GIPC2: variants seen among roughly 807,000 people sequenced by gnomAD.
GIPC2 encodes PDZ domain-containing protein GIPC2.
A neutral mutation model predicts 30.6 loss-of-function variants in GIPC2; 30 were observed. The observed-to-expected ratio is 0.98, with a 90% CI of 0.73 to 1.33. The LOEUF (loss-of-function observed/expected upper bound fraction) is 1.33. Ranked by LOEUF, GIPC2 falls within the 40% of genes most tolerant of loss-of-function variation. The probability of loss-of-function intolerance (pLI) is 0.00; values close to 1 mark genes in which losing one functional copy is unlikely to be tolerated. For missense variants in GIPC2, 414 were observed against 390.3 expected (o/e 1.06, Z -0.51); for synonymous variants, 167 against 150.0 (o/e 1.11, Z -0.83).
rs1663040664 is a variant in GIPC2, at chr1:78,138,161, A to G, written c.*2418A>G. The G allele has an allele frequency of 1.3e-5, 2 of 152,206 alleles. No homozygotes were observed. Among genetic ancestry groups the G allele is most frequent in the African/African-American group, 4.8e-5 (2 of 41,446 alleles). 9.4% of individuals were successfully genotyped at this position (152,206 alleles called of 1,614,324 possible). On this transcript the variant is annotated 3_prime_UTR_variant, in exon 6 of 6. Transcript: ENST00000370759. Reference sequence around the variant, plus strand: ...TGATAATTGTATGTTGGGCTCGATGAGGCCTTGAACATAGCTGAGTCCTAA... The same window carrying G: ...TGATAATTGTATGTTGGGCTCGATGGGGCCTTGAACATAGCTGAGTCCTAA...
intron 3 of GIPC2, chr1:78,112,478 A>G (rs1662483698): frequency 7.7e-6 from 4 of 518,854 alleles, no homozygotes; most frequent in South Asian, 5.6e-5. Flanking sequence ...ATCTGTGCCC[A>G]CTTCATGTTG....
chr1:78,131,240 T>TG (rs1363114812), intron 5 of GIPC2, among the ~76,000 whole-genome samples: 2 of 152,172 alleles, frequency 1.3e-5, no homozygotes, highest in African/African-American at 4.8e-5. Context: ...AGAGTCTTGC[T>TG]CTGTCGCCCA....
chr1:78,091,590 T>C (rs1453176151), intron 2 of GIPC2: 1 of 762,612 alleles, frequency 1.3e-6, no homozygotes, highest in African/African-American at 1.7e-5. Context: ...TCCTTCGCGA[T>C]CTTCTTCGGG....
chr1:78,049,629 G>C (rs1661158315), intron 1 of GIPC2, among the ~76,000 whole-genome samples: 1 of 152,200 alleles, frequency 6.6e-6, no homozygotes, highest in African/African-American at 2.4e-5. Context: ...GAAAAGACTT[G>C]ATGTCAAGTG....
intron 1 of GIPC2, among the ~76,000 whole-genome samples, chr1:78,078,736 A>T (rs1661766130): frequency 6.6e-6 from 1 of 150,806 alleles, no homozygotes; most frequent in African/African-American, 2.4e-5. Context: ...CTATCCTGTT[A>T]TACCATCATG....
In GIPC2 at chr1:78,137,137, A is replaced by G. The variant is rs1571537823; in HGVS notation, c.*1394A>G. On this transcript the variant is annotated 3_prime_UTR_variant, in exon 6 of 6. Transcript: ENST00000370759. ...TTTGTCCGATTAATTTGAAATCTGCACAGAAGCTGTTTTAGTCATTAATGT... is the reference window on the plus strand; with the variant it reads ...TTTGTCCGATTAATTTGAAATCTGCGCAGAAGCTGTTTTAGTCATTAATGT... 1 of 152,188 alleles carries G rather than the reference A, an allele frequency of 6.6e-6. No homozygotes were observed. Among genetic ancestry groups the G allele is most frequent in the South Asian group, 2.1e-4 (1 of 4,830 alleles). The allele number at this position is 152,188 out of a possible 1,614,324, so 9.4% of individuals were successfully genotyped here. A position where few individuals can be genotyped will look rare whatever the true frequency, so the allele number is the denominator to read the frequency against.
In GIPC2 at chr1:78,094,970, G is replaced by A. The variant is rs1427075990; in HGVS notation, c.445G>A (p.Val149Ile). The A allele has an allele frequency of 2.5e-6, 4 of 1,595,542 alleles. No homozygotes were observed. The South Asian group carries it at 3.3e-5, about 13-fold the overall frequency. Residue 149 changes from valine to isoleucine, a missense_variant, in exon 3 of 6, where the codon GTT becomes ATT. Transcript: ENST00000370759. ...CTTTCAGAGAATTAAAGATGGTGGTGTTATTGACTCAGTTAAAACAATCTG... is the reference window on the plus strand; with the variant it reads ...CTTTCAGAGAATTAAAGATGGTGGTATTATTGACTCAGTTAAAACAATCTG... ...AFIKRIKDGG[V>I]IDSVKTICVG...
At chr1:78,123,732 A>G (rs1224089972) in intron 4 of GIPC2, among the ~76,000 whole-genome samples, 2 of 152,214 alleles carry the variant, frequency 1.3e-5, no homozygotes, top group Non-Finnish European at 2.9e-5. Flanking sequence ...AATAGGAAAT[A>G]TTAGAATGGT....
intron 3 of GIPC2, among the ~76,000 whole-genome samples, chr1:78,111,707 T>G (rs968873909): frequency 3.9e-5 from 6 of 152,190 alleles, no homozygotes; most frequent in African/African-American, 1.4e-4. Context: ...AGCGTTCTAT[T>G]AACGTGAGCC....
At chr1:78,101,586 C>A (rs1306660830) in intron 3 of GIPC2, among the ~76,000 whole-genome samples, 2 of 152,150 alleles carry the variant, frequency 1.3e-5, no homozygotes, top group Non-Finnish European at 2.9e-5. Context: ...GCTTAAATGA[C>A]TCCCTTGTTG....
intron 1 of GIPC2, among the ~76,000 whole-genome samples, chr1:78,077,057 G>A (rs1390320071): frequency 3.3e-5 from 5 of 152,090 alleles, no homozygotes; most frequent in African/African-American, 4.8e-5. Flanking sequence ...TGGGATTACA[G>A]GTGTGAGTCA....
chr1:78,105,999 C>A (rs1346441346), intron 3 of GIPC2, among the ~76,000 whole-genome samples: 2 of 151,806 alleles, frequency 1.3e-5, no homozygotes, highest in Non-Finnish European at 2.9e-5. Context: ...ACTTTGGAGG[C>A]TGAGGTGGGC....
intron 2 of GIPC2, among the ~76,000 whole-genome samples, chr1:78,081,757 CTT>C (rs1204058732): frequency 6.6e-6 from 1 of 152,106 alleles, no homozygotes; most frequent in Non-Finnish European, 1.5e-5. Flanking sequence ...TAGTAACAGA[CTT>C]ATATTGAATG....
Position 78,135,843 on chromosome 1 carries a change from G to T in GIPC2, c.*100G>T. 2 of 926,806 alleles carry T rather than the reference G, an allele frequency of 2.2e-6. No individual in the cohort carries two copies. The highest frequency in any genetic ancestry group is 1.6e-5 in the South Asian group (1 of 61,102). 57.4% of individuals were successfully genotyped at this position (926,806 alleles called of 1,614,324 possible). A position where few individuals can be genotyped will look rare whatever the true frequency, so the allele number is the denominator to read the frequency against. ...GTTTTTGGACACCTTTACTAACTCTGGTTTAATTTCATGTGTATGGAATAT... is the reference window on the plus strand; with the variant it reads ...GTTTTTGGACACCTTTACTAACTCTTGTTTAATTTCATGTGTATGGAATAT... On this transcript the variant is annotated 3_prime_UTR_variant, in exon 6 of 6. Transcript: ENST00000370759.
chr1:78,109,220 CT>C (rs1662417238), intron 3 of GIPC2, among the ~76,000 whole-genome samples: 2 of 152,170 alleles, frequency 1.3e-5, no homozygotes, highest in South Asian at 4.1e-4. Context: ...TTATTCTGAC[CT>C]TGCGGCCTTT....
At chr1:78,098,470 A>G (rs1252393336) in intron 3 of GIPC2, among the ~76,000 whole-genome samples, 2 of 152,206 alleles carry the variant, frequency 1.3e-5, no homozygotes, top group African/African-American at 4.8e-5. Context: ...TAATTTATCT[A>G]TCTCACAAAT....
Position 78,067,026 on chromosome 1 carries a change from T to C in GIPC2, c.241-13649T>C, listed in dbSNP as rs184746621. 4.1e-4 allele frequency among the ~76,000 whole-genome samples: 62 copies of C among 152,290 alleles called. No individual in the cohort carries two copies. The Middle Eastern group carries it at 0.017, about 42-fold the overall frequency. On this transcript the variant is annotated intron_variant, in intron 1 of 5. Transcript: ENST00000370759. ...CAACCTGCACATGTACCCCGAACTTTAAATGAAAAAAATCATGTAAAATTG... is the reference window on the plus strand; with the variant it reads ...CAACCTGCACATGTACCCCGAACTTCAAATGAAAAAAATCATGTAAAATTG...
intron 3 of GIPC2, among the ~76,000 whole-genome samples, chr1:78,102,779 T>C (rs1662272554): frequency 6.6e-6 from 1 of 152,244 alleles, no homozygotes; most frequent in African/African-American, 2.4e-5. Flanking sequence ...TTATCTGTTA[T>C]TATTACTATT....
At chr1:78,093,351 AAAT>A (rs1662076182) in intron 2 of GIPC2, among the ~76,000 whole-genome samples, 1 of 152,190 alleles carries the variant, frequency 6.6e-6, no homozygotes, top group African/African-American at 2.4e-5. Context: ...GTTTCTAATA[AAAT>A]AATGTTGGTA....
Sources: allele counts gnomAD v4.1 joint callset (sites outside exome capture counted in the v4.1 genomes callset), GRCh38; gene constraint gnomAD v4.1.1; transcripts MANE v1.5; gene names NCBI Gene and HGNC (gene_info 2026-07-23, HGNC 2026-07-21).